The following LPIN2 variants were observed in gnomAD, a reference collection of about 807,000 sequenced individuals.
The protein encoded by LPIN2 is lipin 2, also known as phosphatidate phosphatase LPIN2.
LPIN2 carries 55 observed loss-of-function variants against 111.4 expected under a neutral mutation model. That is an observed-to-expected ratio of 0.49 (90% CI 0.40 to 0.62). The LOEUF (loss-of-function observed/expected upper bound fraction) is 0.62, where lower values mean the gene tolerates loss of function less well. Ranked by LOEUF, LPIN2 falls within the 20% of genes least tolerant of loss-of-function variation. LPIN2 has a pLI of 0.00. For missense variants in LPIN2, 992 were observed against 1,112.1 expected (o/e 0.89, Z 1.54); for synonymous variants, 425 against 414.0 (o/e 1.03, Z -0.32).
Position 2,969,954 on chromosome 18 carries a change from G to T in LPIN2, c.-9-9105C>A, listed in dbSNP as rs530649075. Among the ~76,000 whole-genome samples, 25 of 152,220 alleles carry T rather than the reference G, an allele frequency of 1.6e-4. No individual in the cohort carries two copies. The South Asian group carries it at 5.2e-3, about 32-fold the overall frequency. On this transcript the variant is annotated intron_variant, in intron 1 of 19. Coordinates refer to ENST00000677752, the MANE Select transcript of LPIN2 (RefSeq NM_001375808.2). ...TGATAAGTGTGGATCAGAAGTGGAA[G>T]CAATAGATAGTAATAGAATTTTAGA...
At chr18:2,923,035 C>T (rs749536271) in intron 16 of LPIN2, among the ~76,000 whole-genome samples, 49 of 152,270 alleles carry the variant, frequency 3.2e-4, no homozygotes, top group Admixed American at 9.2e-4. Context: ...CGCCATGGCA[C>T]GGCTATCTTC....
intron 18 of LPIN2, 117 bp from the exon 19 acceptor site, chr18:2,920,998 G>T: frequency 1.3e-6 from 1 of 751,292 alleles, no homozygotes; most frequent in Non-Finnish European, 2.4e-6. Context: ...ACATGCGGAG[G>T]CGGCACAGTG....
chr18:3,007,872 G>A lies in LPIN2; in HGVS notation c.-10+5215C>T, dbSNP rs186964778. Among the ~76,000 whole-genome samples the A allele has an allele frequency of 1.2e-3, 187 of 152,236 alleles. 1 individual carries two copies. The highest frequency in any genetic ancestry group is 2.1e-3 in the Non-Finnish European group (146 of 68,032). ...TAAATTATTTCCAAATACTTTTTAA[G>A]AGCTGTTTGCATTCTGGACACCTCC... On this transcript the variant is annotated intron_variant, in intron 1 of 19. Coordinates refer to ENST00000677752, the MANE Select transcript of LPIN2 (RefSeq NM_001375808.2).
chr18:2,932,325 A>G (rs2077222094), intron 8 of LPIN2, among the ~76,000 whole-genome samples: 1 of 152,226 alleles, frequency 6.6e-6, no homozygotes, highest in African/African-American at 2.4e-5. Context: ...TTAAAAAAAC[A>G]GTGACCCAGA....
At position 2,939,736 on chromosome 18, in the gene LPIN2, G is replaced by C. The variant is rs1471127094; in HGVS notation, c.699-133C>G. ...GCATATATAAAAACTCTATGGAAGG[G>C]AGCATCAATTATTTCTTCCACTTGA... On this transcript the variant is annotated intron_variant, in intron 5 of 19. Transcript: ENST00000677752. 3 of 895,768 alleles carry C rather than the reference G, an allele frequency of 3.3e-6. No homozygotes were observed. The African/African-American group carries it at 5.0e-5, about 15-fold the overall frequency. The allele number at this position is 895,768 out of a possible 1,614,324, so 55.5% of individuals were successfully genotyped here.
At chr18:2,968,278 G>A (rs1338732049) in intron 1 of LPIN2, among the ~76,000 whole-genome samples, 1 of 152,082 alleles carries the variant, frequency 6.6e-6, no homozygotes, top group Admixed American at 6.6e-5. Flanking sequence ...AGCCTTACCC[G>A]GGAAAGGCCT....
intron 1 of LPIN2, among the ~76,000 whole-genome samples, chr18:3,004,721 C>T (rs2078485659): frequency 6.6e-6 from 1 of 152,152 alleles, no homozygotes; most frequent in African/African-American, 2.4e-5. Flanking sequence ...CCTTTAGTCA[C>T]CTTCCTATCA....
At chr18:3,011,422 C>A (rs1041654435) in intron 1 of LPIN2, among the ~76,000 whole-genome samples, 2 of 151,794 alleles carry the variant, frequency 1.3e-5, no homozygotes, top group Non-Finnish European at 2.9e-5. Flanking sequence ...CGGTTGCTCA[C>A]GCCTGTAATC....
intron 1 of LPIN2, among the ~76,000 whole-genome samples, chr18:2,991,870 C>A (rs760844926): frequency 7.9e-5 from 12 of 151,916 alleles, no homozygotes; most frequent in Admixed American, 2.0e-4. Flanking sequence ...ATTAGCTGGG[C>A]GTGGTGGCGT....
intron 1 of LPIN2, among the ~76,000 whole-genome samples, chr18:2,997,197 G>C (rs2078358883): frequency 6.6e-6 from 1 of 152,112 alleles, no homozygotes; most frequent in Admixed American, 6.5e-5. Flanking sequence ...GGCTAGGCTG[G>C]TCTCAAACTC....
rs2053899056 is a variant in LPIN2 at position 2,939,608 on chromosome 18, A to G, written c.699-5T>C. 2 of 1,612,672 alleles carry G rather than the reference A, an allele frequency of 1.2e-6. No individual in the cohort carries two copies. The highest frequency in any genetic ancestry group is 1.7e-6 in the Non-Finnish European group (2 of 1,179,592). ...CACGCTGTCTGGGGATAGGTGCTGC[A>G]AAGAGAACAAAGACACACGATGACT... On this transcript the variant is annotated splice_region_variant and splice_polypyrimidine_tract_variant and intron_variant, in intron 5 of 19. Transcript: ENST00000677752.
intron 1 of LPIN2, among the ~76,000 whole-genome samples, chr18:2,989,775 G>A (rs1216657153): frequency 6.6e-6 from 1 of 152,040 alleles, no homozygotes; most frequent in Non-Finnish European, 1.5e-5. Flanking sequence ...ACAGAAATTA[G>A]GCAGGTGTGT....
rs149848262 is a variant in LPIN2, at chr18:2,958,541, G to T, written c.192+2108C>A. On this transcript the variant is annotated intron_variant, in intron 2 of 19. Transcript: ENST00000677752. ...TGCCAGTGTATCTCAAAGTAGGCAT[G>T]ATTTCAGTTTTACTCTCACAGTTTT... Among the ~76,000 whole-genome samples, 46 of 152,264 alleles carry T rather than the reference G, an allele frequency of 3.0e-4. 1 individual carries two copies. The East Asian group carries it at 5.2e-3, about 17-fold the overall frequency.
intron 1 of LPIN2, chr18:2,976,997 A>T (rs2078029017): frequency 6.6e-6 from 1 of 152,250 alleles, no homozygotes; most frequent in Non-Finnish European, 1.5e-5. Flanking sequence ...ACTTGAGCCC[A>T]GGAGTTCAAG....
chr18:2,988,609 G>T (rs2078219891), intron 1 of LPIN2, among the ~76,000 whole-genome samples: 3 of 152,164 alleles, frequency 2.0e-5, no homozygotes, highest in Admixed American at 2.0e-4. Context: ...TCCAGTGAGG[G>T]TAAAGCCTCA....
intron 1 of LPIN2, among the ~76,000 whole-genome samples, chr18:3,002,233 GACCAAAAAAAAAAAAAAAAAAAAAAC>G (rs2078444071): frequency 7.5e-5 from 1 of 13,310 alleles, no homozygotes; most frequent in African/African-American, 2.6e-4. Context: ...ACCTTCAAAA[GACCAAAAAAAAAAAAAAAAAAAAAAC>G]CCACCATAAC....
At chr18:2,957,919 G>C (rs1456411449) in intron 2 of LPIN2, among the ~76,000 whole-genome samples, 1 of 151,868 alleles carries the variant, frequency 6.6e-6, no homozygotes, top group African/African-American at 2.4e-5. Context: ...GGGAGGCCAA[G>C]GCGGGTGGAT....
At chr18:2,996,479 T>A (rs1224531057) in intron 1 of LPIN2, among the ~76,000 whole-genome samples, 6 of 116,102 alleles carry the variant, frequency 5.2e-5, no homozygotes, top group Admixed American at 3.1e-4. Flanking sequence ...TTTTTTTTTT[T>A]TTTTTTTTTT....
At chr18:2,981,286 T>C (rs1598596320) in intron 1 of LPIN2, among the ~76,000 whole-genome samples, 1 of 152,272 alleles carries the variant, frequency 6.6e-6, no homozygotes. Context: ...AACTCCTATA[T>C]AATCATTACA....
Sources: gnomAD v4.1 joint callset for allele counts (sites outside exome capture counted in the v4.1 genomes callset) on GRCh38, gnomAD v4.1.1 for gene constraint, MANE v1.5 for transcripts, NCBI Gene and HGNC (gene_info 2026-07-23, HGNC 2026-07-21) for gene names.